XRRA1: variants seen among roughly 807,000 people sequenced by gnomAD.
XRRA1 encodes the protein X-ray radiation resistance associated 1.
XRRA1 carries 69 observed loss-of-function variants against 80.2 expected under a neutral mutation model. The ratio of observed to expected loss-of-function variants is 0.86; its 90% CI spans 0.71 to 1.05. XRRA1 has a LOEUF of 1.05. XRRA1 is among the 50% of genes least tolerant of loss of function. The pLI, the probability that XRRA1 is intolerant of heterozygous loss-of-function variation, is 0.00. For missense variants in XRRA1, 967 were observed against 976.4 expected (o/e 0.99, Z 0.13); for synonymous variants, 348 against 389.9 (o/e 0.89, Z 1.27).
chr11:74,879,614 C>G (rs1180322523), intron 10 of XRRA1, among the ~76,000 whole-genome samples: 1 of 152,032 alleles, frequency 6.6e-6, no homozygotes, highest in Non-Finnish European at 1.5e-5. Context: ...TCATAGATAG[C>G]TCTTATTATT....
At chr11:74,932,182 T>C (rs1384172734) in intron 5 of XRRA1, among the ~76,000 whole-genome samples, 1 of 152,250 alleles carries the variant, frequency 6.6e-6, no homozygotes, top group Non-Finnish European at 1.5e-5. Flanking sequence ...AGCTTATCTT[T>C]TACCTTTGTT....
chr11:74,887,069 G>A (rs1193615798), intron 10 of XRRA1, among the ~76,000 whole-genome samples: 1 of 152,190 alleles, frequency 6.6e-6, no homozygotes, highest in African/African-American at 2.4e-5. Flanking sequence ...ACAAACTCAG[G>A]ATGCATTAAA....
intron 10 of XRRA1, among the ~76,000 whole-genome samples, chr11:74,884,347 T>G (rs1039089929): frequency 2.0e-5 from 3 of 152,110 alleles, no homozygotes; most frequent in Non-Finnish European, 4.4e-5. Context: ...TGTTACCACA[T>G]GTACAGTAAA....
In XRRA1 at chr11:74,848,292, G is replaced by A. The variant is rs946810691; in HGVS notation, c.1551C>T (p.Asn517=). 1 of 1,613,926 alleles carries A rather than the reference G, an allele frequency of 6.2e-7. No homozygotes were observed. Among genetic ancestry groups the A allele is most frequent in the African/African-American group, 1.3e-5 (1 of 75,040 alleles). The change falls in exon 15 of 19, where the codon AAC becomes AAT. Residue 517 remains asparagine (N), a synonymous_variant. Coordinates refer to ENST00000684022, the MANE Select transcript of XRRA1 (RefSeq NM_001378157.1). ...TSVESEMPTE[N]LEGHSPSCRT... ...GGCAAGACGGGGAATGGCCTTCCAGGTTCTCAGTGGGCATCTCTGACTCCA... is the reference window on the plus strand; with the variant it reads ...GGCAAGACGGGGAATGGCCTTCCAGATTCTCAGTGGGCATCTCTGACTCCA...
Position 74,845,089 on chromosome 11 carries a change from G to A in XRRA1, c.1911C>T (p.Ala637=), listed in dbSNP as rs1219034499. Residue 637 remains alanine, a synonymous_variant, in exon 16 of 19, where the codon GCC becomes GCT. Transcript: ENST00000684022. ...EELLTAKPDP[A]FIEPKGIQKN... ...CTCACATACCCTTTGGCTCAATGAA[G>A]GCTGGATCAGGCTTGGCTGTCAGCA... 6.2e-7 allele frequency: 1 copy of A among 1,613,692 alleles called. No individual in the cohort carries two copies.
chr11:74,876,284 G>T (rs2046031115), intron 10 of XRRA1: 1 of 152,144 alleles, frequency 6.6e-6, no homozygotes, highest in African/African-American at 2.4e-5. Context: ...TCAGAAAACT[G>T]TTCCAAGAAA....
rs776713627 is a variant in XRRA1, at chr11:74,844,179, T to A, written c.2032A>T (p.Lys678Ter). 1 of 1,613,784 alleles carries A rather than the reference T, an allele frequency of 6.2e-7. No individual in the cohort carries two copies. Among genetic ancestry groups the A allele is most frequent in the South Asian group, 1.1e-5 (1 of 91,086 alleles). Reference protein sequence around the residue: ...LDTLQKPYVHKEKRAQRIPIP... With the variant: ...LDTLQKPYVH ...AGCTGGATGTTTACCCGTTTCTCTT[T>A]GTGAACATAGGGTTTCTGAAGAGTG... Residue 678 changes from lysine (K) to a stop codon, truncating the protein, a stop_gained, in exon 17 of 19, where the codon AAA (lysine) becomes TAA (stop). Coordinates refer to ENST00000684022, the MANE Select transcript of XRRA1 (RefSeq NM_001378157.1). LOFTEE classifies it high-confidence loss of function.
At chr11:74,889,438 A>G (rs1364230326) in intron 10 of XRRA1, among the ~76,000 whole-genome samples, 1 of 152,256 alleles carries the variant, frequency 6.6e-6, no homozygotes, top group Non-Finnish European at 1.5e-5. Context: ...AGTACCAGCC[A>G]CTGCAAAAAC....
rs964126520 is a variant in XRRA1, at chr11:74,945,060, T to G, written c.-47A>C. ...GAATGGCCCCTTAACTTCCTTTTTT[T>G]TTTGTTTCTTCACTTGTTTCTTTGC... On this transcript the variant is annotated 5_prime_UTR_variant, in exon 2 of 19. Transcript: ENST00000684022. 1.3e-5 allele frequency: 2 copies of G among 152,656 alleles called. No individual in the cohort carries two copies. The highest frequency in any genetic ancestry group is 2.9e-5 in the Non-Finnish European group (2 of 68,036). 9.5% of individuals were successfully genotyped at this position (152,656 alleles called of 1,614,324 possible).
chr11:74,879,182 C>A (rs1162494316), intron 10 of XRRA1, among the ~76,000 whole-genome samples: 1 of 150,588 alleles, frequency 6.6e-6, no homozygotes, highest in Non-Finnish European at 1.5e-5. Flanking sequence ...TCCTTCACAT[C>A]CCTTGTAAGT....
intron 1 of XRRA1, among the ~76,000 whole-genome samples, chr11:74,945,805 C>A (rs1032935340): frequency 6.6e-6 from 1 of 151,524 alleles, no homozygotes; most frequent in African/African-American, 2.4e-5. Flanking sequence ...CTCTCTCTCA[C>A]ACACACACAC....
At chr11:74,911,955 G>C (rs1268898559) in intron 8 of XRRA1, among the ~76,000 whole-genome samples, 5 of 152,184 alleles carry the variant, frequency 3.3e-5, no homozygotes, top group Non-Finnish European at 5.9e-5. Flanking sequence ...GGATCCTAAA[G>C]GGATACACCC....
Position 74,843,987 on chromosome 11 carries a change from T to TA in XRRA1, c.2044-29dup, listed in dbSNP as rs768585045. ...GGCAGAAGGTCATGGAGGAGGGTGT[T>TA]ATCCCAGGTTTATGCACAGACTTCC... On this transcript the variant is annotated intron_variant, in intron 17 of 18. Coordinates refer to ENST00000684022, the MANE Select transcript of XRRA1 (RefSeq NM_001378157.1). 5 of 1,597,902 alleles carry TA rather than the reference T, an allele frequency of 3.1e-6. No homozygotes were observed. In the African/African-American group the frequency reaches 6.7e-5, roughly 21 times the overall value.
chr11:74,923,262 G>T (rs1941370000), intron 7 of XRRA1, among the ~76,000 whole-genome samples: 1 of 152,160 alleles, frequency 6.6e-6, no homozygotes, highest in South Asian at 2.1e-4. Flanking sequence ...GAATAGTTTG[G>T]GTATGACTGA....
intron 4 of XRRA1, among the ~76,000 whole-genome samples, chr11:74,936,677 T>C (rs1432163593): frequency 6.6e-6 from 1 of 152,230 alleles, no homozygotes; most frequent in African/African-American, 2.4e-5. Flanking sequence ...CGACAATACC[T>C]ATCTCACTAG....
At chr11:74,873,923 T>TA (rs2045462067) in intron 10 of XRRA1, among the ~76,000 whole-genome samples, 1 of 151,922 alleles carries the variant, frequency 6.6e-6, no homozygotes, top group African/African-American at 2.4e-5. Context: ...TGAGATAGTT[T>TA]ACCCCCTATA....
intron 10 of XRRA1, among the ~76,000 whole-genome samples, chr11:74,881,719 T>C (rs1428766228): frequency 2.6e-5 from 4 of 152,096 alleles, no homozygotes; most frequent in African/African-American, 7.2e-5. Flanking sequence ...ACAAAATCTC[T>C]CAGCATTTGC....
chr11:74,913,456 C>T (rs1329422410), intron 8 of XRRA1: 1 of 152,190 alleles, frequency 6.6e-6, no homozygotes, highest in African/African-American at 2.4e-5. Context: ...CAAGAGGTGA[C>T]TCCCACTTTC....
At chr11:74,897,415 T>C (rs1035039898) in intron 10 of XRRA1, among the ~76,000 whole-genome samples, 4 of 149,670 alleles carry the variant, frequency 2.7e-5, no homozygotes, top group African/African-American at 9.8e-5. Flanking sequence ...AAAGAGGAGG[T>C]AGAACATGAG....
Sources: gnomAD v4.1 joint callset for allele counts (sites outside exome capture counted in the v4.1 genomes callset) on GRCh38, gnomAD v4.1.1 for gene constraint, MANE v1.5 for transcripts, NCBI Gene and HGNC (gene_info 2026-07-23, HGNC 2026-07-21) for gene names.